The following GTPBP1 variants were observed in gnomAD, a reference collection of about 807,000 sequenced individuals.
GTPBP1 encodes the protein GTP binding protein 1.
In GTPBP1, 23 loss-of-function variants were observed where a neutral mutation model predicts 62.0. The ratio of observed to expected loss-of-function variants is 0.37; its 90% CI spans 0.27 to 0.53. The LOEUF (loss-of-function observed/expected upper bound fraction) is 0.53. Ranked by LOEUF, GTPBP1 falls within the 20% of genes least tolerant of loss-of-function variation. The pLI, the probability that GTPBP1 is intolerant of heterozygous loss-of-function variation, is 0.89. For missense variants in GTPBP1, 640 were observed against 917.3 expected (o/e 0.70, Z 3.90); for synonymous variants, 344 against 364.4 (o/e 0.94, Z 0.64).
chr22:38,742,612 C>T, downstream of GTPBP1: 2 of 1,551,968 alleles, frequency 1.3e-6, no homozygotes, highest in South Asian at 2.4e-5. Flanking sequence ...TAGTGCTTCC[C>T]AAAGACCACC....
downstream of GTPBP1, chr22:38,738,482 T>G: frequency 6.9e-7 from 1 of 1,457,350 alleles, no homozygotes; most frequent in Non-Finnish European, 9.4e-7. This position sits in a 1 kb window ranked among gnomAD's most constrained non-coding sequence, Gnocchi z 6.6. Flanking sequence ...CCAAATCCAC[T>G]CCCCTCCCTT....
downstream of GTPBP1, chr22:38,742,594 T>C (rs1163059909): frequency 1.9e-6 from 3 of 1,578,668 alleles, no homozygotes; most frequent in South Asian, 3.4e-5. Flanking sequence ...TGAGGGACCC[T>C]TGGATGATAG....
At chr22:38,714,200 G>A (rs565802148) in intron 2 of GTPBP1, among the ~76,000 whole-genome samples, 1 of 152,358 alleles carries the variant, frequency 6.6e-6, no homozygotes, top group Non-Finnish European at 1.5e-5. Context: ...GGTGGGCCAG[G>A]CATGATGGCT....
rs1312447258 is a variant in GTPBP1, at chr22:38,728,068, CT to C, written c.1625del (p.Phe542SerfsTer12). On this transcript the variant is annotated frameshift_variant, in exon 10 of 12. Coordinates refer to ENST00000216044, the MANE Select transcript of GTPBP1 (RefSeq NM_004286.5). LOFTEE classifies it high-confidence loss of function. ...GCACTGGGGACAAGGCCACTGTACA[CT>C]TCCGCTTCATCAAGACCCCTGAGTA... is the stretch of plus-strand genomic sequence containing the variant. ...LRTGDKATVH[F>X]RFIKTPEYLH... 6.2e-7 allele frequency: 1 copy of C among 1,612,898 alleles called. No homozygotes were observed. The highest frequency in any genetic ancestry group is 8.5e-7 in the Non-Finnish European group (1 of 1,178,960).
rs769218556 is a variant in GTPBP1 at position 38,727,266 on chromosome 22, T to C, written c.1455T>C (p.Asn485=). 1 of 1,602,188 alleles carries C rather than the reference T, an allele frequency of 6.2e-7. No homozygotes were observed. Among genetic ancestry groups the C allele is most frequent in the Non-Finnish European group, 8.5e-7 (1 of 1,174,166 alleles). The change falls in exon 9 of 12, where the codon AAT becomes AAC. Residue 485 remains asparagine (N), a synonymous_variant. Transcript: ENST00000216044. This position sits in a 1 kb window ranked among gnomAD's most constrained non-coding sequence, Gnocchi z 6.5. ...KGMVMVSPRL[N]PQASWEFEAE... ...TGGTGATGGTTTCCCCACGTTTGAA[T>C]CCCCAAGCCTCCTGGGAGTTTGAGG...
At chr22:38,709,140 C>G (rs1043023917) in intron 2 of GTPBP1, among the ~76,000 whole-genome samples, 184 bp downstream of exon 2, 1 of 151,942 alleles carries the variant, frequency 6.6e-6, no homozygotes, top group Non-Finnish European at 1.5e-5. Flanking sequence ...AAAAATTAGC[C>G]GGGCGCTAAT....
chr22:38,736,971 G>T (rs1450481536), downstream of GTPBP1, among the ~76,000 whole-genome samples: 1 of 152,156 alleles, frequency 6.6e-6, no homozygotes, highest in East Asian at 1.9e-4. Flanking sequence ...AGCCTCCCCA[G>T]TAGCTGGGAC....
intron 2 of GTPBP1, among the ~76,000 whole-genome samples, chr22:38,709,984 C>G (rs1954811120): frequency 6.6e-6 from 1 of 152,234 alleles, no homozygotes; most frequent in South Asian, 2.1e-4. Context: ...AACTTCAATA[C>G]AAGACCTGCT....
At chr22:38,740,252 G>A (rs2092844339), downstream of GTPBP1, 1 of 1,552,404 alleles carries the variant, frequency 6.4e-7, no homozygotes, top group African/African-American at 1.4e-5. This position sits in a 1 kb window ranked among gnomAD's most constrained non-coding sequence, Gnocchi z 4.8. Context: ...CAGGGCCCTG[G>A]TGGTTCCCAC....
downstream of GTPBP1, chr22:38,739,560 G>T: frequency 7.7e-7 from 1 of 1,302,330 alleles, no homozygotes. The surrounding 1 kb of genome is among the most constrained non-coding windows in gnomAD (Gnocchi z 6.7). Flanking sequence ...GGCAGATGTG[G>T]GCACACTGCC....
chr22:38,729,702 G>A, intron 11 of GTPBP1, 40 bp downstream of exon 11: 1 of 1,394,268 alleles, frequency 7.2e-7, no homozygotes, highest in Non-Finnish European at 9.4e-7. Context: ...TGGTGGTGGG[G>A]GCTGTGGCTT....
At chr22:38,709,030 C>G (rs951972829) in intron 2 of GTPBP1, 74 bp downstream of exon 2, 3 of 893,596 alleles carry the variant, frequency 3.4e-6, no homozygotes, top group Admixed American at 3.7e-5. Flanking sequence ...CGCCTGTAAT[C>G]CCAGCACTTT....
chr22:38,711,267 G>A lies in GTPBP1; in HGVS notation c.304+2311G>A, dbSNP rs148887977. On this transcript the variant is annotated intron_variant, in intron 2 of 11. Transcript: ENST00000216044. ...ATTTAAAATTGTAACAAATGTAGAG[G>A]AATGTGCTCTTTAAGAATACATTCT... Among the ~76,000 whole-genome samples, 865 of 152,296 alleles carry A rather than the reference G, an allele frequency of 5.7e-3. 5 individuals are homozygous for A. The highest frequency in any genetic ancestry group is 0.02 in the African/African-American group (830 of 41,552).
downstream of GTPBP1, chr22:38,741,355 C>A (rs916929404): frequency 2.3e-6 from 2 of 885,680 alleles, no homozygotes; most frequent in Non-Finnish European, 3.5e-6. Context: ...GGGGGTCAAA[C>A]AGAGAAGTCA....
Position 38,732,256 on chromosome 22 carries a change from T to C in GTPBP1, c.*1552T>C, listed in dbSNP as rs1157608862. The C allele has an allele frequency of 6.5e-6, 1 of 152,774 alleles. No individual in the cohort carries two copies. Among genetic ancestry groups the C allele is most frequent in the Non-Finnish European group, 1.5e-5 (1 of 68,158 alleles). 9.5% of individuals were successfully genotyped at this position (152,774 alleles called of 1,614,324 possible). A position where few individuals can be genotyped will look rare whatever the true frequency, so the allele number is the denominator to read the frequency against. On this transcript the variant is annotated 3_prime_UTR_variant, in exon 12 of 12. Coordinates refer to ENST00000216044, the MANE Select transcript of GTPBP1 (RefSeq NM_004286.5). ...TCCAAGTTGACAGTGTGGTGCTCCCTGCCCAGCCCCTCCAGGTGGAGGTGC... is the reference window on the plus strand; with the variant it reads ...TCCAAGTTGACAGTGTGGTGCTCCCCGCCCAGCCCCTCCAGGTGGAGGTGC...
At chr22:38,741,249 G>A (rs1008087299), downstream of GTPBP1, among the ~76,000 whole-genome samples, 3 of 151,670 alleles carry the variant, frequency 2.0e-5, no homozygotes, top group Admixed American at 2.0e-4. Flanking sequence ...TGAGGTATCT[G>A]TTCACCCACA....
chr22:38,738,375 T>C, downstream of GTPBP1: 1 of 1,142,578 alleles, frequency 8.8e-7, no homozygotes, highest in Non-Finnish European at 1.3e-6. This position sits in a 1 kb window ranked among gnomAD's most constrained non-coding sequence, Gnocchi z 6.6. Flanking sequence ...GAGTGGCCTA[T>C]GACAAGTCAC....
At chr22:38,736,431 C>G (rs1457478614), downstream of GTPBP1, 7 of 1,479,196 alleles carry the variant, frequency 4.7e-6, no homozygotes, top group African/African-American at 1.4e-5. Flanking sequence ...TGAGGCCTCA[C>G]TGACAGAGAA....
Position 38,726,470 on chromosome 22 carries a change from T to A in GTPBP1, c.1401+30T>A. 1 of 1,578,532 alleles carries A rather than the reference T, an allele frequency of 6.3e-7. No homozygotes were observed. The highest frequency in any genetic ancestry group is 8.7e-7 in the Non-Finnish European group (1 of 1,150,986). ...GTAGCGATGATACTGAACGCTCCCCTCAGACTCCATCATGCTAGGCTCTTG... is the reference window on the plus strand; with the variant it reads ...GTAGCGATGATACTGAACGCTCCCCACAGACTCCATCATGCTAGGCTCTTG... On this transcript the variant is annotated intron_variant, in intron 8 of 11. Coordinates refer to ENST00000216044, the MANE Select transcript of GTPBP1 (RefSeq NM_004286.5). The surrounding 1 kb of genome is among the most constrained non-coding windows in gnomAD (Gnocchi z 4.1).
Sources: allele counts gnomAD v4.1 joint callset (sites outside exome capture counted in the v4.1 genomes callset), GRCh38; gene constraint gnomAD v4.1.1; non-coding constraint Gnocchi (gnomAD v3.1); transcripts MANE v1.5; gene names NCBI Gene and HGNC (gene_info 2026-07-23, HGNC 2026-07-21).